The following MARK3 variants were observed in gnomAD, a reference collection of about 807,000 sequenced individuals.
The protein encoded by MARK3 is microtubule affinity regulating kinase 3, also known as MAP/microtubule affinity-regulating kinase 3.
Under a neutral mutation model 90.1 loss-of-function variants are expected in MARK3, and 46 were observed. The ratio of observed to expected loss-of-function variants is 0.51; its 90% CI spans 0.40 to 0.65. The LOEUF is 0.65. Among genes scored for constraint, MARK3 ranks in the 30% least tolerant of loss-of-function variants. The pLI, the probability that MARK3 is intolerant of heterozygous loss-of-function variation, is 0.00. For synonymous variants in MARK3, 321 were observed against 332.6 expected, an observed-to-expected ratio of 0.97 and a Z score of 0.38; for missense variants, 818 against 947.2, an observed-to-expected ratio of 0.86 and a Z score of 1.79.
chr14:103,428,523 T>A (rs558037598), intron 3 of MARK3, 83 bp downstream of exon 3: 4 of 715,836 alleles, frequency 5.6e-6, no homozygotes, highest in South Asian at 5.5e-5. Flanking sequence ...ATACCCCAAC[T>A]GTTATTTTAT....
chr14:103,470,290 C>T (rs982955400), intron 12 of MARK3, among the ~76,000 whole-genome samples: 2 of 151,742 alleles, frequency 1.3e-5, no homozygotes, highest in Non-Finnish European at 2.9e-5. Flanking sequence ...ACATAAGACT[C>T]CCAGTGGGTA....
At chr14:103,487,517 C>A (rs1460428836) in intron 14 of MARK3, among the ~76,000 whole-genome samples, 1 of 151,956 alleles carries the variant, frequency 6.6e-6, no homozygotes, top group Non-Finnish European at 1.5e-5. Flanking sequence ...TGCCTGCAAG[C>A]TGACTAAAAG....
intron 1 of MARK3, among the ~76,000 whole-genome samples, chr14:103,400,139 G>A (rs2090863902): frequency 6.6e-6 from 1 of 152,088 alleles, no homozygotes; most frequent in South Asian, 2.1e-4. Context: ...ATGTTGGCCA[G>A]GCAGGTCTCA....
intron 1 of MARK3, among the ~76,000 whole-genome samples, chr14:103,402,735 G>A (rs1220413840): frequency 6.6e-6 from 1 of 152,062 alleles, no homozygotes; most frequent in Non-Finnish European, 1.5e-5. Context: ...TTGCAATTTG[G>A]GGCACACAGA....
At chr14:103,473,571 T>G (rs1452531536) in intron 12 of MARK3, among the ~76,000 whole-genome samples, 2 of 152,236 alleles carry the variant, frequency 1.3e-5, no homozygotes, top group Admixed American at 1.3e-4. Context: ...TTTTGTTTTA[T>G]ATGTTAAAAT....
intron 1 of MARK3, among the ~76,000 whole-genome samples, chr14:103,397,035 TATTTA>T (rs1405973160): frequency 1.3e-5 from 2 of 152,218 alleles, no homozygotes; most frequent in East Asian, 1.9e-4. Context: ...AATAAAATGG[TATTTA>T]ATTTAACGTA....
intron 7 of MARK3, among the ~76,000 whole-genome samples, chr14:103,464,072 C>A (rs2093454656): frequency 6.6e-6 from 1 of 152,156 alleles, no homozygotes; most frequent in Non-Finnish European, 1.5e-5. Context: ...CCATTCACAC[C>A]TTTCAGTGCC....
chr14:103,417,549 A>G (rs2092000191), intron 2 of MARK3: 1 of 152,166 alleles, frequency 6.6e-6, no homozygotes, highest in Admixed American at 6.5e-5. Context: ...GCCAAGGGTT[A>G]GTCTTCATTC....
chr14:103,400,984 T>TGTGTG (rs1481507292), intron 1 of MARK3, among the ~76,000 whole-genome samples: 1 of 141,442 alleles, frequency 7.1e-6, no homozygotes, highest in African/African-American at 3.0e-5. Flanking sequence ...TGTGTGTGTA[T>TGTGTG]GCAGGTTGTT....
In MARK3 at chr14:103,446,675, T is replaced by G. The variant is rs115437680; in HGVS notation, c.298-2244T>G. ...ATTCTCAGTGCTGTGTATCCTGAGC[T>G]ATATTGATATGGCATCCAAAGTGGA... On this transcript the variant is annotated intron_variant, in intron 3 of 17. Transcript: ENST00000429436. 5.6e-3 allele frequency among the ~76,000 whole-genome samples: 848 copies of G among 151,228 alleles called. 8 individuals are homozygous for G. Among genetic ancestry groups the G allele is most frequent in the African/African-American group, 0.02 (813 of 41,172 alleles).
chr14:103,403,791 G>A (rs2091111153), intron 1 of MARK3, among the ~76,000 whole-genome samples: 1 of 152,086 alleles, frequency 6.6e-6, no homozygotes, highest in South Asian at 2.1e-4. Flanking sequence ...TTTATAAATG[G>A]TCTATTTTCC....
chr14:103,447,747 G>A (rs2093031023), intron 3 of MARK3, among the ~76,000 whole-genome samples: 2 of 152,018 alleles, frequency 1.3e-5, no homozygotes, highest in South Asian at 4.2e-4. Flanking sequence ...GAATGGCTAG[G>A]AAGCTCTGCT....
chr14:103,475,498 G>T (rs900343520), intron 13 of MARK3, among the ~76,000 whole-genome samples: 1 of 152,180 alleles, frequency 6.6e-6, no homozygotes, highest in Admixed American at 6.5e-5. Flanking sequence ...AGTCCAAGAT[G>T]AAGGCACCAA....
In MARK3 at chr14:103,482,953, C is replaced by T. The variant is rs529956497; in HGVS notation, c.1586+2463C>T. 1.9e-4 allele frequency among the ~76,000 whole-genome samples: 29 copies of T among 152,220 alleles called. No individual in the cohort carries two copies. In the South Asian group the frequency reaches 3.7e-3, roughly 20 times the overall value. On this transcript the variant is annotated intron_variant, in intron 14 of 17. Transcript: ENST00000429436. ...TCTCTTTAGTCAAAGAGAGTCTCAC[C>T]GCCAAACCTTAAAAGACAGGGCCCA...
intron 2 of MARK3, among the ~76,000 whole-genome samples, chr14:103,417,076 G>A (rs932693546): frequency 2.0e-5 from 3 of 152,192 alleles, no homozygotes; most frequent in Non-Finnish European, 2.9e-5. Context: ...AAAGTGGGAA[G>A]AGTCAGCATG....
intron 14 of MARK3, among the ~76,000 whole-genome samples, chr14:103,480,995 T>C (rs1044426770): frequency 2.0e-5 from 3 of 152,210 alleles, no homozygotes; most frequent in African/African-American, 7.2e-5. Context: ...AGTCCAGCCT[T>C]CTGAATGCTT....
intron 12 of MARK3, among the ~76,000 whole-genome samples, chr14:103,472,862 C>T (rs1457303900): frequency 1.3e-5 from 2 of 151,150 alleles, no homozygotes; most frequent in East Asian, 2.0e-4. Flanking sequence ...AAAAATTAGC[C>T]GGGCATGGTG....
intron 14 of MARK3, among the ~76,000 whole-genome samples, chr14:103,487,495 G>A (rs2141965787): frequency 6.6e-6 from 1 of 152,014 alleles, no homozygotes; most frequent in East Asian, 2.0e-4. Flanking sequence ...GGGAATCGAT[G>A]CAGCACCCTC....
chr14:103,450,505 G>T (rs1864231735), intron 4 of MARK3, among the ~76,000 whole-genome samples: 1 of 152,090 alleles, frequency 6.6e-6, no homozygotes, highest in Middle Eastern at 3.2e-3. Flanking sequence ...AATTCCTATT[G>T]CATTAACATA....
Sources: allele counts gnomAD v4.1 joint callset (sites outside exome capture counted in the v4.1 genomes callset), GRCh38; gene constraint gnomAD v4.1.1; transcripts MANE v1.5; gene names NCBI Gene and HGNC (gene_info 2026-07-23, HGNC 2026-07-21).